CTNNA3: variants seen among roughly 807,000 people sequenced by gnomAD.
CTNNA3 encodes the protein catenin alpha-3.
Under a neutral mutation model 95.7 loss-of-function variants are expected in CTNNA3, and 76 were observed. The observed-to-expected ratio is 0.79, with a 90% confidence interval of 0.66 to 0.96. The LOEUF (loss-of-function observed/expected upper bound fraction) is 0.96. Ranked by LOEUF, CTNNA3 falls within the 40% of genes least tolerant of loss-of-function variation. CTNNA3 has a pLI of 0.00. For synonymous variants in CTNNA3, 431 were observed against 374.4 expected, an observed-to-expected ratio of 1.15 and a Z score of -1.74; for missense variants, 1,191 against 1,089.8, an observed-to-expected ratio of 1.09 and a Z score of -1.31.
intron 12 of CTNNA3, among the ~76,000 whole-genome samples, chr10:66,329,272 C>G (rs2092296273): frequency 6.6e-6 from 1 of 151,872 alleles, no homozygotes; most frequent in Non-Finnish European, 1.5e-5. Flanking sequence ...ATTCTTACTT[C>G]CTCTGCCTTT....
intron 9 of CTNNA3, among the ~76,000 whole-genome samples, chr10:66,718,952 G>T (rs1265040100): frequency 6.6e-6 from 1 of 152,094 alleles, no homozygotes; most frequent in Non-Finnish European, 1.5e-5. Context: ...GTCTGTGTGT[G>T]GTGGAAAGTC....
intron 9 of CTNNA3, among the ~76,000 whole-genome samples, chr10:66,671,950 G>C (rs1310736635): frequency 6.6e-6 from 1 of 152,106 alleles, no homozygotes; most frequent in Non-Finnish European, 1.5e-5. Context: ...ATAAATGCTG[G>C]TTATTATTCT....
intron 16 of CTNNA3, among the ~76,000 whole-genome samples, chr10:65,970,174 C>T (rs547511353): frequency 6.6e-6 from 1 of 152,012 alleles, no homozygotes; most frequent in African/African-American, 2.4e-5. Context: ...TCCCACCAGG[C>T]TAAGCTTTAT....
At chr10:66,631,000 C>T (rs1589042024) in intron 9 of CTNNA3, among the ~76,000 whole-genome samples, 1 of 152,142 alleles carries the variant, frequency 6.6e-6, no homozygotes, top group Admixed American at 6.5e-5. Context: ...AAAACTAAAA[C>T]TCTGTCTCCA....
intron 11 of CTNNA3, among the ~76,000 whole-genome samples, chr10:66,389,203 T>C (rs2092916836): frequency 6.7e-6 from 1 of 150,240 alleles, no homozygotes. Context: ...TTTGGTTCTC[T>C]CCTCAAAAAT....
intron 2 of CTNNA3, among the ~76,000 whole-genome samples, chr10:67,609,038 C>T (rs1016211116): frequency 4.5e-5 from 6 of 133,436 alleles, no homozygotes; most frequent in Admixed American, 8.3e-5. Context: ...TGCGGTGAGC[C>T]GAAATCACGC....
chr10:67,161,501 C>T (rs954161810), intron 7 of CTNNA3, among the ~76,000 whole-genome samples: 2 of 151,402 alleles, frequency 1.3e-5, no homozygotes, highest in Non-Finnish European at 2.9e-5. Flanking sequence ...TGCCATACCT[C>T]GATAAACTAC....
chr10:67,517,650 GAAC>G (rs1474662875), intron 5 of CTNNA3, among the ~76,000 whole-genome samples: 2 of 152,130 alleles, frequency 1.3e-5, no homozygotes, highest in African/African-American at 4.8e-5. Context: ...CCAGAACACT[GAAC>G]CTACTTCCCC....
At chr10:66,839,576 C>T (rs1186524972) in intron 7 of CTNNA3, among the ~76,000 whole-genome samples, 1 of 151,980 alleles carries the variant, frequency 6.6e-6, no homozygotes, top group Non-Finnish European at 1.5e-5. Context: ...CAAAATAGTA[C>T]TTAATGTCCC....
intron 3 of CTNNA3, among the ~76,000 whole-genome samples, chr10:67,545,560 G>A (rs1840822144): frequency 6.6e-6 from 1 of 152,060 alleles, no homozygotes; most frequent in Non-Finnish European, 1.5e-5. Context: ...CAGTAAAGAT[G>A]AGTTGTTAAG....
chr10:67,588,559 C>T (rs1842703203), intron 3 of CTNNA3, among the ~76,000 whole-genome samples: 1 of 151,912 alleles, frequency 6.6e-6, no homozygotes. Flanking sequence ...GCAGATGGAC[C>T]TGTCGTCAGG....
chr10:67,563,295 T>A (rs932071254), intron 3 of CTNNA3, among the ~76,000 whole-genome samples: 52 of 152,188 alleles, frequency 3.4e-4, no homozygotes, highest in African/African-American at 1.2e-3. Context: ...AACAGAGATA[T>A]CAACCAATGA....
At chr10:67,457,693 T>C (rs1208060407) in intron 5 of CTNNA3, among the ~76,000 whole-genome samples, 1 of 152,088 alleles carries the variant, frequency 6.6e-6, no homozygotes, top group Admixed American at 6.6e-5. Context: ...CTGGAGGCTT[T>C]AGGGAAGAAT....
intron 13 of CTNNA3, among the ~76,000 whole-genome samples, chr10:66,138,723 G>T (rs561078059): frequency 6.6e-6 from 1 of 152,128 alleles, no homozygotes; most frequent in Admixed American, 6.5e-5. Flanking sequence ...GCCAGGTGTG[G>T]TGGCATGCAC....
intron 13 of CTNNA3, among the ~76,000 whole-genome samples, chr10:66,122,604 T>C (rs2082630753): frequency 6.6e-6 from 1 of 152,164 alleles, no homozygotes; most frequent in Non-Finnish European, 1.5e-5. Context: ...ATAAGAATGA[T>C]AGGATACTTA....
At chr10:67,282,518 T>C (rs1225460958) in intron 5 of CTNNA3, among the ~76,000 whole-genome samples, 1 of 152,228 alleles carries the variant, frequency 6.6e-6, no homozygotes, top group African/African-American at 2.4e-5. Context: ...GCTTAACCCA[T>C]GGTAACCTAA....
intron 13 of CTNNA3, among the ~76,000 whole-genome samples, chr10:66,106,613 G>T (rs1428773894): frequency 2.6e-5 from 4 of 152,044 alleles, no homozygotes; most frequent in Non-Finnish European, 1.5e-5. Context: ...GATGCTTTGG[G>T]TAAGAGCTTA....
chr10:67,383,893 C>A (rs1844044209), intron 5 of CTNNA3, among the ~76,000 whole-genome samples: 1 of 152,104 alleles, frequency 6.6e-6, no homozygotes, highest in Admixed American at 6.6e-5. Context: ...TAACTTTTTC[C>A]TTCAGACTAC....
intron 7 of CTNNA3, among the ~76,000 whole-genome samples, chr10:67,020,072 CCTT>C (rs71687019): frequency 0.34 from 50,938 of 151,892 alleles, 9,217 homozygotes; most frequent in East Asian, 0.53. Context: ...ACCAAGGTCA[CCTT>C]CTCTTGCAGC....
Sources: allele counts gnomAD v4.1 joint callset (sites outside exome capture counted in the v4.1 genomes callset), GRCh38; gene constraint gnomAD v4.1.1; transcripts MANE v1.5; gene names NCBI Gene and HGNC (gene_info 2026-07-23, HGNC 2026-07-21).